The following SMTNL2 variants were observed in gnomAD, a reference collection of about 807,000 sequenced individuals.
SMTNL2 encodes the protein smoothelin-like protein 2.
SMTNL2 carries 43 observed loss-of-function variants against 44.1 expected under a neutral mutation model. That is an observed-to-expected ratio of 0.98 (90% CI 0.76 to 1.26). SMTNL2 has a LOEUF of 1.26. Ranked by LOEUF, SMTNL2 falls within the 50% of genes most tolerant of loss-of-function variation. SMTNL2 has a pLI of 0.00. For missense variants in SMTNL2, 646 were observed against 670.2 expected (o/e 0.96, Z 0.40); for synonymous variants, 317 against 287.6 (o/e 1.10, Z -1.03).
rs952908371 is a variant in SMTNL2, at chr17:4,607,599, T to C, written c.*112T>C. 12 of 1,499,886 alleles carry C rather than the reference T, an allele frequency of 8.0e-6. No homozygotes were observed. The African/African-American group carries it at 1.2e-4, about 16-fold the overall frequency. The allele number at this position is 1,499,886 out of a possible 1,614,324, so 92.9% of individuals were successfully genotyped here. On this transcript the variant is annotated 3_prime_UTR_variant, in exon 8 of 8. Transcript: ENST00000389313. This position sits in a 1 kb window ranked among gnomAD's most constrained non-coding sequence, Gnocchi z 4.7. ...GCCTTGCCGTTTGGTGTGAGCGCGC[T>C]GTTTGTTCTGTGGCATGTGACGGCA...
intron 7 of SMTNL2, among the ~76,000 whole-genome samples, chr17:4,602,807 G>A (rs1910103875): frequency 6.6e-6 from 1 of 152,200 alleles, no homozygotes; most frequent in South Asian, 2.1e-4. Context: ...GAAAAGAAGT[G>A]GGTGAAGAGC....
intron 4 of SMTNL2, chr17:4,594,940 T>G: frequency 4.6e-6 from 3 of 656,718 alleles, no homozygotes; most frequent in Non-Finnish European, 7.8e-6. Context: ...TCTCCTGAGT[T>G]GAGCCTATTG....
chr17:4,594,517 A>G (rs1475874245), intron 4 of SMTNL2, among the ~76,000 whole-genome samples: 1 of 152,106 alleles, frequency 6.6e-6, no homozygotes, highest in Non-Finnish European at 1.5e-5. Flanking sequence ...GAGGCCTCTC[A>G]GCCGGCAGGA....
intron 1 of SMTNL2, among the ~76,000 whole-genome samples, chr17:4,590,436 G>A (rs932871510): frequency 1.1e-4 from 17 of 152,090 alleles, no homozygotes; most frequent in Admixed American, 1.0e-3. Context: ...CCTCTGCTGG[G>A]CTTCCAGGAG....
At position 4,598,428 on chromosome 17, in the gene SMTNL2, G is replaced by A. The variant is rs1193705689; in HGVS notation, c.1259+1105G>A. ...GCCGAGTCTTCTGGAGGGCGCGTTT[G>A]TTATTCTCTCCCTGCCTTTGTGCCT... On this transcript the variant is annotated intron_variant, in intron 7 of 7. Coordinates refer to ENST00000389313, the MANE Select transcript of SMTNL2 (RefSeq NM_001114974.2). The surrounding 1 kb of genome is among the most constrained non-coding windows in gnomAD (Gnocchi z 4.8). Among the ~76,000 whole-genome samples, 1 of 152,208 alleles carries A rather than the reference G, an allele frequency of 6.6e-6. No homozygotes were observed. The highest frequency in any genetic ancestry group is 1.5e-5 in the Non-Finnish European group (1 of 68,024).
rs773610617 is a variant in SMTNL2 at position 4,595,324 on chromosome 17, G to T, written c.986G>T (p.Gly329Val). The change falls in exon 5 of 8, where the codon GGC (glycine) becomes GTC (valine). Residue 329 changes from glycine to valine, a missense_variant. By Grantham distance (109) the Gly-to-Val change is moderately radical. Coordinates refer to ENST00000389313, the MANE Select transcript of SMTNL2 (RefSeq NM_001114974.2). This position sits in a 1 kb window ranked among gnomAD's most constrained non-coding sequence, Gnocchi z 5.1. ...AAGTGGGAGCAGGAAACGGCGGCCG[G>T]CAAGTACGGATGCCCACTCACAGAC... ...FEKWEQETAA[G>V]KGKGEARARL... 6 of 1,611,814 alleles carry T rather than the reference G, an allele frequency of 3.7e-6. No homozygotes were observed. In the East Asian group the frequency reaches 1.3e-4, roughly 36 times the overall value.
upstream of SMTNL2, among the ~76,000 whole-genome samples, chr17:4,584,363 T>C (rs1909249031): frequency 6.6e-6 from 1 of 152,080 alleles, no homozygotes. Context: ...CAGGGCTCAG[T>C]TAAGAGCCGG....
chr17:4,601,265 A>C (rs1402145581), intron 7 of SMTNL2, among the ~76,000 whole-genome samples: 1 of 152,078 alleles, frequency 6.6e-6, no homozygotes, highest in Non-Finnish European at 1.5e-5. Flanking sequence ...AATACAAAAA[A>C]TTATCTTGGT....
intron 5 of SMTNL2, among the ~76,000 whole-genome samples, chr17:4,596,444 G>C (rs1909816080): frequency 6.6e-6 from 1 of 152,254 alleles, no homozygotes; most frequent in South Asian, 2.1e-4. Flanking sequence ...CATCAGGGAA[G>C]GAGGCACCCC....
intron 7 of SMTNL2, among the ~76,000 whole-genome samples, chr17:4,601,384 C>T (rs1018696312): frequency 6.7e-5 from 10 of 149,006 alleles, no homozygotes; most frequent in Non-Finnish European, 1.3e-4. Flanking sequence ...CACTGCACTC[C>T]AGCCTGGGCA....
chr17:4,593,070 A>G lies in SMTNL2; in HGVS notation c.629A>G (p.Glu210Gly). The change falls in exon 3 of 8, where the codon GAG becomes GGG. Residue 210 changes from glutamate (E) to glycine (G), a missense_variant. Transcript: ENST00000389313. ...CGAGTCTCTGACAGGTTCTCTGGGG[A>G]GACCTCAGCTGCGGCTCTATCACCC... ...ITRVSDRFSG[E>G]TSAAALSPMS... 1 of 1,613,938 alleles carries G rather than the reference A, an allele frequency of 6.2e-7. No homozygotes were observed. The highest frequency in any genetic ancestry group is 8.5e-7 in the Non-Finnish European group (1 of 1,179,970).
At chr17:4,596,596 A>T (rs911367558) in intron 5 of SMTNL2, among the ~76,000 whole-genome samples, 1 of 151,944 alleles carries the variant, frequency 6.6e-6, no homozygotes, top group African/African-American at 2.4e-5. Context: ...CTGGATGGGG[A>T]ATAAACAGGG....
At chr17:4,591,611 T>A (rs1295748363) in intron 1 of SMTNL2, among the ~76,000 whole-genome samples, 2 of 152,214 alleles carry the variant, frequency 1.3e-5, no homozygotes, top group Admixed American at 6.5e-5. Flanking sequence ...AAGGGCTGGA[T>A]GTTTGGTAGA....
At chr17:4,585,878 C>T (rs2326070) in intron 1 of SMTNL2, among the ~76,000 whole-genome samples, 146,781 of 152,186 alleles carry the variant, frequency 0.96, 70,887 homozygotes, top group East Asian at 1. Flanking sequence ...GGGCTGGACC[C>T]TAGGGGGCCT....
chr17:4,603,695 C>A (rs1490094168), intron 7 of SMTNL2, among the ~76,000 whole-genome samples: 1 of 152,130 alleles, frequency 6.6e-6, no homozygotes, highest in Non-Finnish European at 1.5e-5. Flanking sequence ...GAGCCTGTTT[C>A]TACACACCTG....
chr17:4,586,967 G>A (rs1909368618), intron 1 of SMTNL2, among the ~76,000 whole-genome samples: 1 of 152,062 alleles, frequency 6.6e-6, no homozygotes, highest in South Asian at 2.1e-4. Context: ...GTGGATTCAT[G>A]GATCTGGTGC....
In SMTNL2 at chr17:4,584,920, G is replaced by T. The variant is rs1438180214; in HGVS notation, c.315G>T (p.Ala105=). ...GTPGTPSPPP[A]PGVPDRAPRL... ...CCGGCACGCCCAGCCCCCCGCCCGC[G>T]CCCGGGGTTCCCGACCGCGCGCCCC... The change falls in exon 1 of 8, where the codon GCG becomes GCT. Residue 105 remains alanine (A), a synonymous_variant. Coordinates refer to ENST00000389313, the MANE Select transcript of SMTNL2 (RefSeq NM_001114974.2). 2.3e-6 allele frequency: 3 copies of T among 1,300,684 alleles called. No homozygotes were observed. The highest frequency in any genetic ancestry group is 2.9e-6 in the Non-Finnish European group (3 of 1,030,346). 80.6% of individuals were successfully genotyped at this position (1,300,684 alleles called of 1,614,324 possible). A position where few individuals can be genotyped will look rare whatever the true frequency, so the allele number is the denominator to read the frequency against.
Position 4,597,281 on chromosome 17 carries a change from C to T in SMTNL2, c.1217C>T (p.Thr406Met), listed in dbSNP as rs749054818. Reference protein sequence around the residue: ...DAFDYNSLSPTQRQKNFELAF... With the variant: ...DAFDYNSLSPMQRQKNFELAF... ...TTTGACTACAACTCCCTGAGCCCCA[C>T]GCAGAGGCAGAAGAACTTCGAGCTG... The change falls in exon 7 of 8, where the codon ACG becomes ATG. Residue 406 changes from threonine to methionine, a missense_variant. By Grantham distance (81) the Thr-to-Met change is moderately conservative. Coordinates refer to ENST00000389313, the MANE Select transcript of SMTNL2 (RefSeq NM_001114974.2). The T allele has an allele frequency of 3.1e-6, 5 of 1,614,162 alleles. No homozygotes were observed. Among genetic ancestry groups the T allele is most frequent in the Non-Finnish European group, 4.2e-6 (5 of 1,179,990 alleles).
Position 4,584,810 on chromosome 17 carries a change from C to A in SMTNL2, c.205C>A (p.Arg69=), listed in dbSNP as rs1316666401. The part of the protein sequence containing the change: ...TVADLQRDNQ[R]LQAQLERLTR... ...GGCCGACCTGCAGCGGGACAACCAG[C>A]GGCTGCAGGCGCAGCTCGAGCGCCT... Residue 69 remains arginine (R), a synonymous_variant, in exon 1 of 8, where the codon CGG becomes AGG. Transcript: ENST00000389313. 1.1e-5 allele frequency: 14 copies of A among 1,325,690 alleles called. No homozygotes were observed. The highest frequency in any genetic ancestry group is 1.3e-5 in the Non-Finnish European group (13 of 1,039,840). 82.1% of individuals were successfully genotyped at this position (1,325,690 alleles called of 1,614,324 possible).
Sources: allele counts gnomAD v4.1 joint callset (sites outside exome capture counted in the v4.1 genomes callset), GRCh38; gene constraint gnomAD v4.1.1; non-coding constraint Gnocchi (gnomAD v3.1); transcripts MANE v1.5; gene names NCBI Gene and HGNC (gene_info 2026-07-23, HGNC 2026-07-21).